TTBK2: variants seen among roughly 807,000 people sequenced by gnomAD.
The protein encoded by TTBK2 is tau-tubulin kinase 2.
TTBK2 carries 28 observed loss-of-function variants against 110.8 expected under a neutral mutation model. The observed-to-expected ratio is 0.25, with a 90% CI of 0.19 to 0.35. TTBK2 has a LOEUF of 0.35. TTBK2 is among the 10% of genes least tolerant of loss of function. The pLI is 1.00. For synonymous variants in TTBK2, 532 were observed against 527.3 expected, an observed-to-expected ratio of 1.01 and a Z score of -0.12; for missense variants, 1,369 against 1,500.3, an observed-to-expected ratio of 0.91 and a Z score of 1.45.
At chr15:42,779,132 G>C (rs533452390) in intron 11 of TTBK2, among the ~76,000 whole-genome samples, 1 of 152,222 alleles carries the variant, frequency 6.6e-6, no homozygotes, top group African/African-American at 2.4e-5. Flanking sequence ...TGGGCTGGGC[G>C]TGGCGGCTCA....
intron 6 of TTBK2, among the ~76,000 whole-genome samples, chr15:42,818,563 C>CA (rs942182040): frequency 7.9e-5 from 12 of 151,630 alleles, no homozygotes; most frequent in Admixed American, 5.2e-4. Flanking sequence ...ACTAAAAATA[C>CA]AAAAAAATTA....
chr15:42,912,264 A>T (rs1202058496), intron 1 of TTBK2, among the ~76,000 whole-genome samples: 1 of 152,206 alleles, frequency 6.6e-6, no homozygotes, highest in African/African-American at 2.4e-5. Flanking sequence ...CTGGAGGATG[A>T]TATAATGTAA....
At position 42,767,169 on chromosome 15, in the gene TTBK2, C is replaced by A. The variant is rs1038874122; in HGVS notation, c.1998+7966G>T. Among the ~76,000 whole-genome samples the A allele has an allele frequency of 3.3e-5, 5 of 152,154 alleles. 1 individual carries two copies. Among genetic ancestry groups the A allele is most frequent in the African/African-American group, 1.2e-4 (5 of 41,500 alleles). ...GGAAATTTATAGTACTAAATGCCCA[C>A]AAGAGAAAGCAGGAAAGATCTAAAA... On this transcript the variant is annotated intron_variant, in intron 13 of 14. Transcript: ENST00000267890.
chr15:42,803,533 TA>T (rs1891314652), intron 9 of TTBK2, among the ~76,000 whole-genome samples: 1 of 152,160 alleles, frequency 6.6e-6, no homozygotes. Flanking sequence ...TGCTGGATGA[TA>T]TCAGTCTTCC....
At chr15:42,807,195 C>T (rs1174966766) in intron 9 of TTBK2, among the ~76,000 whole-genome samples, 1 of 152,106 alleles carries the variant, frequency 6.6e-6, no homozygotes. Context: ...ATGAAGCTTG[C>T]TTAGCTTTGC....
At chr15:42,913,050 G>A (rs969866482) in intron 1 of TTBK2, among the ~76,000 whole-genome samples, 5 of 149,314 alleles carry the variant, frequency 3.3e-5, no homozygotes, top group African/African-American at 5.0e-5. Context: ...GCGTGAACCC[G>A]GGAAGCGGAG....
chr15:42,801,044 G>A, intron 9 of TTBK2: 2 of 767,164 alleles, frequency 2.6e-6, no homozygotes, highest in Non-Finnish European at 4.8e-6. Context: ...CGGCCCTGGA[G>A]GAGCTGGTGT....
In TTBK2 at chr15:42,752,047, T is replaced by C. The variant is rs754664311; in HGVS notation, c.3199A>G (p.Ser1067Gly). Residue 1067 changes from serine to glycine, a missense_variant, in exon 14 of 15, where the codon AGC (serine) becomes GGC (glycine). This residue lies in a region of TTBK2 where 1,097 missense variants were observed against 1,114.7 expected (regional missense o/e 0.98). Coordinates refer to ENST00000267890, the MANE Select transcript of TTBK2 (RefSeq NM_173500.4). ...VSWVNTDQVN[S>G]STSSQFFPRP... ...GGAAAGAACTGAGACGAAGTTGAGCTATTGACCTGATCTGTGTTGACCCAT... is the reference window on the plus strand; with the variant it reads ...GGAAAGAACTGAGACGAAGTTGAGCCATTGACCTGATCTGTGTTGACCCAT... 4.3e-6 allele frequency: 7 copies of C among 1,614,228 alleles called. No individual in the cohort carries two copies. The highest frequency in any genetic ancestry group is 1.6e-4 in the Middle Eastern group (1 of 6,062).
chr15:42,783,546 T>C lies in TTBK2; in HGVS notation c.1070A>G (p.Asn357Ser), dbSNP rs915766129. ...TGGTGACACACCAACAGGGATGCCATTTTCTCCATCGCTAAGCTGTTCATC... is the reference window on the plus strand; with the variant it reads ...TGGTGACACACCAACAGGGATGCCACTTTCTCCATCGCTAAGCTGTTCATC... ...FPDEQLSDGENGIPVGVSPDK... is the reference protein window; with the variant it reads ...FPDEQLSDGESGIPVGVSPDK... The change falls in exon 11 of 15, where the codon AAT (asparagine) becomes AGT (serine). Residue 357 changes from asparagine to serine, a missense_variant. Asn to Ser is a conservative substitution (Grantham distance 46). Coordinates refer to ENST00000267890, the MANE Select transcript of TTBK2 (RefSeq NM_173500.4). The C allele has an allele frequency of 2.5e-6, 4 of 1,613,974 alleles. No homozygotes were observed. Among genetic ancestry groups the C allele is most frequent in the African/African-American group, 1.3e-5 (1 of 74,892 alleles).
At chr15:42,872,827 CTTA>C in intron 2 of TTBK2, 69 bp from the exon 3 acceptor site, 1 of 1,538,088 alleles carries the variant, frequency 6.5e-7, no homozygotes, top group Non-Finnish European at 8.8e-7. Flanking sequence ...CAATTGATCT[CTTA>C]TATTTAGAAA....
chr15:42,920,931 A>G (rs1036812005), upstream of TTBK2: 2 of 152,568 alleles, frequency 1.3e-5, no homozygotes, highest in Non-Finnish European at 2.9e-5. Context: ...GGCTAGTCCC[A>G]TTGCCTATCA....
chr15:42,829,143 A>G (rs1244609341), intron 5 of TTBK2, among the ~76,000 whole-genome samples: 3 of 152,212 alleles, frequency 2.0e-5, no homozygotes, highest in East Asian at 3.8e-4. Flanking sequence ...ATACTTTTCA[A>G]CTGTACCAAC....
intron 9 of TTBK2, chr15:42,798,299 A>G (rs1327737756): frequency 6.6e-6 from 3 of 456,318 alleles, no homozygotes; most frequent in South Asian, 4.6e-5. Flanking sequence ...AAAATCTGAA[A>G]AAAATCTTCA....
At chr15:42,879,982 A>G in intron 1 of TTBK2, among the ~76,000 whole-genome samples, 1 of 149,928 alleles carries the variant, frequency 6.7e-6, no homozygotes, top group African/African-American at 2.5e-5. Context: ...GGGTGACAGA[A>G]GAAGATCCTG....
chr15:42,862,495 T>C (rs1315139509), intron 3 of TTBK2, among the ~76,000 whole-genome samples: 3 of 152,142 alleles, frequency 2.0e-5, no homozygotes, highest in Non-Finnish European at 4.4e-5. Context: ...CATATAGTCA[T>C]CTCAATTAGA....
rs2061766665 is a variant in TTBK2, at chr15:42,744,272, C to T, written c.*1523G>A. The T allele has an allele frequency of 6.6e-6, 1 of 152,020 alleles. No individual in the cohort carries two copies. The highest frequency in any genetic ancestry group is 1.5e-5 in the Non-Finnish European group (1 of 68,008). The allele number at this position is 152,020 out of a possible 1,614,324, so 9.4% of individuals were successfully genotyped here. A position where few individuals can be genotyped will look rare whatever the true frequency, so the allele number is the denominator to read the frequency against. On this transcript the variant is annotated 3_prime_UTR_variant, in exon 15 of 15. Transcript: ENST00000267890. ...TAAAGAGAACAAGAGAAGTTCAGTG[C>T]AGCTTCAGGGCAGCTTTGATGCAGC...
chr15:42,885,917 G>A (rs748612251), intron 1 of TTBK2, among the ~76,000 whole-genome samples: 3 of 152,006 alleles, frequency 2.0e-5, no homozygotes, highest in Non-Finnish European at 4.4e-5. Flanking sequence ...ATACAAACTC[G>A]ACAGTAGTTC....
intron 10 of TTBK2, among the ~76,000 whole-genome samples, chr15:42,789,191 C>T (rs1890536027): frequency 6.6e-6 from 1 of 152,176 alleles, no homozygotes; most frequent in South Asian, 2.1e-4. Flanking sequence ...CTTTGACCTA[C>T]ATCTCCCCAT....
intron 7 of TTBK2, among the ~76,000 whole-genome samples, chr15:42,816,090 ATATATATATATAT>A (rs1567040851): frequency 1.0e-5 from 1 of 96,858 alleles, no homozygotes; most frequent in African/African-American, 5.3e-5. Flanking sequence ...AAATAAATAT[ATATATATATATAT>A]ATATATATAT....
Sources: allele counts gnomAD v4.1 joint callset (sites outside exome capture counted in the v4.1 genomes callset), GRCh38; gene constraint gnomAD v4.1.1; regional missense constraint gnomAD v4.1.1; transcripts MANE v1.5; gene names NCBI Gene and HGNC (gene_info 2026-07-23, HGNC 2026-07-21).